DYNC1I1: variants seen among roughly 807,000 people sequenced by gnomAD.
DYNC1I1 encodes the protein cytoplasmic dynein 1 intermediate chain 1.
In DYNC1I1, 43 loss-of-function variants were observed where a neutral mutation model predicts 86.6. The ratio of observed to expected loss-of-function variants is 0.50; its 90% CI spans 0.39 to 0.64. The LOEUF is 0.64. Among genes scored for constraint, DYNC1I1 ranks in the 30% least tolerant of loss-of-function variants. DYNC1I1 has a pLI of 0.00. For synonymous variants in DYNC1I1, 262 were observed against 283.7 expected, an observed-to-expected ratio of 0.92 and a Z score of 0.77; for missense variants, 604 against 788.8, an observed-to-expected ratio of 0.77 and a Z score of 2.81.
At chr7:95,776,879 A>T (rs1262090916) in intron 1 of DYNC1I1, among the ~76,000 whole-genome samples, 1 of 152,212 alleles carries the variant, frequency 6.6e-6, no homozygotes, top group Non-Finnish European at 1.5e-5. Flanking sequence ...AATCATCCCA[A>T]CATCCCTGTA....
intron 10 of DYNC1I1, among the ~76,000 whole-genome samples, chr7:95,996,786 T>A (rs1793878069): frequency 6.6e-6 from 1 of 152,192 alleles, no homozygotes; most frequent in South Asian, 2.1e-4. Flanking sequence ...ACCCCTTTAT[T>A]AATGCTCCTA....
chr7:95,889,133 C>T (rs1002563092), intron 6 of DYNC1I1, among the ~76,000 whole-genome samples: 2 of 152,078 alleles, frequency 1.3e-5, no homozygotes, highest in African/African-American at 4.8e-5. Context: ...TATATATTCA[C>T]ATATATATGG....
At chr7:95,973,165 T>C (rs1169712864) in intron 6 of DYNC1I1, among the ~76,000 whole-genome samples, 2 of 152,212 alleles carry the variant, frequency 1.3e-5, no homozygotes, top group Non-Finnish European at 2.9e-5. Context: ...TAAATCCTTT[T>C]CTTTAAAGTT....
chr7:95,995,067 G>T (rs1192838577), intron 9 of DYNC1I1, among the ~76,000 whole-genome samples: 2 of 151,932 alleles, frequency 1.3e-5, no homozygotes, highest in Non-Finnish European at 2.9e-5. Context: ...CTAACACGGT[G>T]AAACCCCGTC....
At chr7:95,837,284 G>T (rs1342576828) in intron 5 of DYNC1I1, among the ~76,000 whole-genome samples, 1 of 151,694 alleles carries the variant, frequency 6.6e-6, no homozygotes, top group African/African-American at 2.4e-5. Context: ...CTGCTCGGGG[G>T]TCAGGGGTCA....
intron 6 of DYNC1I1, among the ~76,000 whole-genome samples, chr7:95,961,272 C>T (rs1400012381): frequency 2.0e-5 from 3 of 152,160 alleles, no homozygotes; most frequent in Non-Finnish European, 4.4e-5. Flanking sequence ...CTAATCTGAG[C>T]TCTTCCATCA....
intron 6 of DYNC1I1, among the ~76,000 whole-genome samples, chr7:95,958,267 T>C (rs1005783523): frequency 2.6e-5 from 4 of 152,200 alleles, no homozygotes; most frequent in African/African-American, 9.7e-5. Flanking sequence ...AAGAAAATTA[T>C]ATGATTAAGA....
At chr7:95,830,820 C>A (rs147194607) in intron 5 of DYNC1I1, among the ~76,000 whole-genome samples, 2 of 152,116 alleles carry the variant, frequency 1.3e-5, no homozygotes, top group Non-Finnish European at 2.9e-5. Context: ...TGCATTCCCA[C>A]GAGCAGTTTA....
chr7:95,791,988 T>C (rs886100247), intron 1 of DYNC1I1, among the ~76,000 whole-genome samples: 1 of 152,244 alleles, frequency 6.6e-6, no homozygotes, highest in Admixed American at 6.5e-5. Context: ...AGTCAATTTA[T>C]TGATGATTGG....
At chr7:96,084,442 C>CTTTTTTTTT (rs11369815) in intron 16 of DYNC1I1, among the ~76,000 whole-genome samples, 1 of 124,744 alleles carries the variant, frequency 8.0e-6, no homozygotes. Flanking sequence ...TTTTTCTTTT[C>CTTTTTTTTT]TTTTTTTTTT....
intron 5 of DYNC1I1, among the ~76,000 whole-genome samples, chr7:95,849,486 A>G: frequency 6.6e-6 from 1 of 152,086 alleles, no homozygotes; most frequent in East Asian, 1.9e-4. Context: ...CTTTCCCTAT[A>G]GTGTGTTCTT....
chr7:95,816,372 G>T (rs1021565440), intron 4 of DYNC1I1, among the ~76,000 whole-genome samples: 46 of 152,290 alleles, frequency 3.0e-4, no homozygotes, highest in African/African-American at 1.1e-3. Flanking sequence ...AAAATGGGTA[G>T]AGAGTAGAAA....
At chr7:96,054,149 G>A (rs770540075) in intron 14 of DYNC1I1, among the ~76,000 whole-genome samples, 36 of 152,024 alleles carry the variant, frequency 2.4e-4, no homozygotes, top group Admixed American at 1.4e-3. Flanking sequence ...CCCTCACCCC[G>A]CAACAGGCCC....
At chr7:95,988,486 A>G (rs1002887028) in intron 9 of DYNC1I1, among the ~76,000 whole-genome samples, 3 of 152,212 alleles carry the variant, frequency 2.0e-5, no homozygotes, top group African/African-American at 7.2e-5. Flanking sequence ...ACCAAAAGCC[A>G]ATTTGCTGAA....
chr7:95,884,824 A>G (rs538871925), intron 6 of DYNC1I1, among the ~76,000 whole-genome samples: 20 of 152,220 alleles, frequency 1.3e-4, no homozygotes, highest in African/African-American at 4.8e-4. Context: ...AATAGAGACA[A>G]CAGCTTATAG....
intron 16 of DYNC1I1, among the ~76,000 whole-genome samples, chr7:96,106,298 C>A (rs958867892): frequency 6.6e-6 from 1 of 151,916 alleles, no homozygotes; most frequent in African/African-American, 2.4e-5. Context: ...TTTGGGAGGC[C>A]GAGGCAGGTG....
chr7:95,830,270 G>A (rs904852886), intron 5 of DYNC1I1, among the ~76,000 whole-genome samples: 3 of 152,020 alleles, frequency 2.0e-5, no homozygotes, highest in African/African-American at 7.2e-5. Flanking sequence ...TTTTTGACAT[G>A]TATGCACATC....
intron 5 of DYNC1I1, among the ~76,000 whole-genome samples, chr7:95,847,166 C>T (rs1789454640): frequency 6.6e-6 from 1 of 152,188 alleles, no homozygotes; most frequent in Non-Finnish European, 1.5e-5. Flanking sequence ...CTTTTCTTCA[C>T]CCTCCATATC....
chr7:95,901,275 C>A (rs2116309746), intron 6 of DYNC1I1, among the ~76,000 whole-genome samples: 1 of 152,332 alleles, frequency 6.6e-6, no homozygotes, highest in Non-Finnish European at 1.5e-5. Flanking sequence ...CCAACTTGGA[C>A]TGCCTGTGAG....
Sources: allele counts gnomAD v4.1 joint callset (sites outside exome capture counted in the v4.1 genomes callset), GRCh38; gene constraint gnomAD v4.1.1; transcripts MANE v1.5; gene names NCBI Gene and HGNC (gene_info 2026-07-23, HGNC 2026-07-21).